Variants in SOX6 observed in about 807,000 individuals in gnomAD.
SOX6 encodes the protein transcription factor SOX-6.
SOX6 carries 11 observed loss-of-function variants against 97.8 expected under a neutral mutation model. The ratio of observed to expected loss-of-function variants is 0.11; its 90% CI spans 0.07 to 0.19. The LOEUF (loss-of-function observed/expected upper bound fraction) is 0.19. Among genes scored for constraint, SOX6 ranks in the 10% least tolerant of loss-of-function variants. The pLI is 1.00. For synonymous variants in SOX6, 360 were observed against 371.4 expected (o/e 0.97, Z 0.35); for missense variants, 810 against 1,039.5 (o/e 0.78, Z 3.04).
At chr11:16,186,685 T>C (rs1851486636) in intron 5 of SOX6, 98 bp downstream of exon 5, 1 of 1,348,898 alleles carries the variant, frequency 7.4e-7, no homozygotes, top group Admixed American at 2.1e-5. Flanking sequence ...TTTTATTTTT[T>C]AGGAAAGCTT....
chr11:16,572,357 G>A (rs1315980357), intron 4 of SOX6, among the ~76,000 whole-genome samples: 1 of 152,152 alleles, frequency 6.6e-6, no homozygotes, highest in East Asian at 1.9e-4. Context: ...TCATAGTAAT[G>A]TTGTAGTTAC....
At chr11:16,041,091 C>T (rs1319929728) in intron 12 of SOX6, among the ~76,000 whole-genome samples, 1 of 152,066 alleles carries the variant, frequency 6.6e-6, no homozygotes, top group Non-Finnish European at 1.5e-5. Context: ...GCAACACAAA[C>T]ATGTTAGTCA....
chr11:16,730,484 C>G (rs1169785022), intron 2 of SOX6, among the ~76,000 whole-genome samples: 1 of 152,114 alleles, frequency 6.6e-6, no homozygotes, highest in Non-Finnish European at 1.5e-5. Flanking sequence ...ACAACCTGCT[C>G]CTGAATGACT....
chr11:16,458,420 T>TG (rs1468644175), intron 1 of SOX6, among the ~76,000 whole-genome samples: 1 of 1,590 alleles, frequency 6.3e-4, no homozygotes, highest in Non-Finnish European at 9.3e-3. Context: ...ATTAAAAATT[T>TG]ATTTTAAAGT....
At position 16,407,031 on chromosome 11, in the gene SOX6, G is replaced by A. The variant is rs183171390; in HGVS notation, c.-4-65779C>T. 8.5e-5 allele frequency among the ~76,000 whole-genome samples: 13 copies of A among 152,056 alleles called. No individual in the cohort carries two copies. In the East Asian group the frequency reaches 2.5e-3, roughly 29 times the overall value. On this transcript the variant is annotated intron_variant, in intron 1 of 15. Coordinates refer to the SOX6 transcript ENST00000396356. ...TCACATTTTTGTGTACTGAATTATTGTGAATCAGTTATACCTTAATAAGGT... is the reference window on the plus strand; with the variant it reads ...TCACATTTTTGTGTACTGAATTATTATGAATCAGTTATACCTTAATAAGGT...
At chr11:16,522,789 T>A (rs1039297508) in intron 4 of SOX6, among the ~76,000 whole-genome samples, 1 of 152,070 alleles carries the variant, frequency 6.6e-6, no homozygotes, top group Non-Finnish European at 1.5e-5. Flanking sequence ...AAGGAAGATC[T>A]ACCAAGCAAA....
At chr11:16,159,643 G>A (rs139798828) in intron 6 of SOX6, among the ~76,000 whole-genome samples, 346 of 152,122 alleles carry the variant, frequency 2.3e-3, no homozygotes, top group African/African-American at 8.1e-3. Context: ...CACAACTTTG[G>A]AATCTTTTAA....
chr11:16,651,279 C>G (rs1485204230), intron 3 of SOX6, among the ~76,000 whole-genome samples: 1 of 151,960 alleles, frequency 6.6e-6, no homozygotes, highest in Non-Finnish European at 1.5e-5. Context: ...TTCTATGAAG[C>G]CATTATCACC....
chr11:15,982,036 G>A (rs2119817187), intron 15 of SOX6, among the ~76,000 whole-genome samples: 1 of 152,002 alleles, frequency 6.6e-6, no homozygotes, highest in Non-Finnish European at 1.5e-5. Context: ...GAGGAATAAA[G>A]ATTGCCATGT....
intron 3 of SOX6, among the ~76,000 whole-genome samples, chr11:16,240,930 G>A (rs1853177134): frequency 1.3e-5 from 2 of 151,920 alleles, no homozygotes; most frequent in Non-Finnish European, 2.9e-5. Context: ...AGGTTTGATT[G>A]TCCCCACAAT....
At chr11:16,415,532 T>G (rs958005338) in intron 1 of SOX6, among the ~76,000 whole-genome samples, 1 of 152,120 alleles carries the variant, frequency 6.6e-6, no homozygotes, top group Non-Finnish European at 1.5e-5. Flanking sequence ...TTACTGAGTA[T>G]TTTCAAGTAG....
chr11:16,033,086 T>C (rs1247310977), intron 12 of SOX6, among the ~76,000 whole-genome samples: 1 of 152,166 alleles, frequency 6.6e-6, no homozygotes, highest in Non-Finnish European at 1.5e-5. Flanking sequence ...CACTCTCCTG[T>C]AGGTCAGAAA....
At chr11:16,384,359 C>T (rs1165636940) in intron 1 of SOX6, among the ~76,000 whole-genome samples, 1 of 151,732 alleles carries the variant, frequency 6.6e-6, no homozygotes, top group Non-Finnish European at 1.5e-5. Flanking sequence ...TTCAAATCAC[C>T]TCCATGACAT....
intron 1 of SOX6, among the ~76,000 whole-genome samples, chr11:16,363,718 T>C (rs1383499791): frequency 1.3e-5 from 2 of 152,160 alleles, no homozygotes; most frequent in African/African-American, 4.8e-5. Context: ...TTTGCTTATC[T>C]GTGTACTTAT....
intron 1 of SOX6, among the ~76,000 whole-genome samples, chr11:16,474,813 G>A (rs950270706): frequency 3.3e-5 from 5 of 152,086 alleles, no homozygotes; most frequent in Admixed American, 6.6e-5. Flanking sequence ...TTGAAGCCAG[G>A]CGCTGACTTT....
At chr11:16,402,361 A>T (rs2134444048) in intron 1 of SOX6, among the ~76,000 whole-genome samples, 1 of 151,810 alleles carries the variant, frequency 6.6e-6, no homozygotes, top group Non-Finnish European at 1.5e-5. Context: ...CATTCATTTT[A>T]TTCAGTGTGC....
intron 2 of SOX6, among the ~76,000 whole-genome samples, chr11:16,735,951 G>A (rs1221036510): frequency 2.0e-5 from 3 of 151,960 alleles, no homozygotes; most frequent in East Asian, 1.9e-4. Flanking sequence ...GCACGTACTC[G>A]ACAAACATCT....
intron 6 of SOX6, among the ~76,000 whole-genome samples, chr11:16,119,788 C>T (rs552010023): frequency 6.6e-6 from 1 of 152,278 alleles, no homozygotes; most frequent in East Asian, 1.9e-4. Flanking sequence ...CTTTTAAATA[C>T]ATCTTGATAT....
At chr11:16,410,104 G>A (rs1378896357) in intron 1 of SOX6, among the ~76,000 whole-genome samples, 1 of 152,028 alleles carries the variant, frequency 6.6e-6, no homozygotes, top group Non-Finnish European at 1.5e-5. Flanking sequence ...TGATGGATAT[G>A]TTAGTTTGAT....
Sources: allele counts gnomAD v4.1 joint callset (sites outside exome capture counted in the v4.1 genomes callset), GRCh38; gene constraint gnomAD v4.1.1; transcripts MANE v1.5; gene names NCBI Gene and HGNC (gene_info 2026-07-23, HGNC 2026-07-21).